TACR1: variants seen among roughly 807,000 people sequenced by gnomAD.
TACR1 encodes the protein substance-P receptor.
TACR1 carries 25 observed loss-of-function variants against 35.8 expected under a neutral mutation model. The observed-to-expected ratio is 0.70, with a 90% confidence interval of 0.51 to 0.98. TACR1 has a LOEUF of 0.98. Ranked by LOEUF, TACR1 falls within the 50% of genes least tolerant of loss-of-function variation. The probability of loss-of-function intolerance (pLI) is 0.00; values close to 1 mark genes in which losing one functional copy is unlikely to be tolerated. For missense variants in TACR1, 478 were observed against 522.9 expected (o/e 0.91, Z 0.84); for synonymous variants, 195 against 206.7 (o/e 0.94, Z 0.48).
chr2:75,148,091 G>A (rs939934994), intron 1 of TACR1, among the ~76,000 whole-genome samples: 2 of 152,182 alleles, frequency 1.3e-5, no homozygotes, highest in East Asian at 1.9e-4. Context: ...TGGTGTATAT[G>A]TACCACCGTT....
intron 2 of TACR1, among the ~76,000 whole-genome samples, chr2:75,115,775 C>T (rs184856957): frequency 2.2e-3 from 332 of 151,784 alleles, no homozygotes; most frequent in African/African-American, 7.8e-3. Flanking sequence ...GGCATGGTGG[C>T]GGGTGCCTGT....
intron 2 of TACR1, among the ~76,000 whole-genome samples, chr2:75,074,721 CAT>C (rs1261527658): frequency 6.6e-6 from 1 of 151,754 alleles, no homozygotes; most frequent in Non-Finnish European, 1.5e-5. Flanking sequence ...GGCTTCAGAT[CAT>C]AGTCTATAGG....
chr2:75,106,266 G>C (rs1194484530), intron 2 of TACR1, among the ~76,000 whole-genome samples: 1 of 151,962 alleles, frequency 6.6e-6, no homozygotes, highest in Non-Finnish European at 1.5e-5. Context: ...TTATTAAAGA[G>C]AGGGGCATTG....
rs201454483 is a variant in TACR1, at chr2:75,116,104, A to AT, written c.584+4469dup. Among the ~76,000 whole-genome samples, 1,507 of 151,684 alleles carry AT rather than the reference A, an allele frequency of 9.9e-3. 28 individuals are homozygous for AT. Among genetic ancestry groups the AT allele is most frequent in the African/African-American group, 0.034 (1,406 of 41,344 alleles). The stretch of plus-strand genomic sequence containing the variant: ...ACTTTAAATTTTTATAAGACACCAC[A>AT]TTTTTTTTCTTCTTCTTTGAGACAG... On this transcript the variant is annotated intron_variant, in intron 2 of 4. Transcript: ENST00000305249.
chr2:75,182,652 C>A (rs1471209630), intron 1 of TACR1, among the ~76,000 whole-genome samples: 1 of 152,142 alleles, frequency 6.6e-6, no homozygotes, highest in African/African-American at 2.4e-5. Flanking sequence ...CAAAAACTTA[C>A]CATTGTGTTC....
intron 1 of TACR1, among the ~76,000 whole-genome samples, chr2:75,141,375 C>T (rs560621409): frequency 4.6e-5 from 7 of 152,234 alleles, no homozygotes; most frequent in Middle Eastern, 3.4e-3. Flanking sequence ...CTAATGAAAC[C>T]GCTTTACAAC....
intron 1 of TACR1, among the ~76,000 whole-genome samples, chr2:75,125,852 A>G (rs1359356574): frequency 1.3e-5 from 2 of 152,178 alleles, no homozygotes; most frequent in Non-Finnish European, 2.9e-5. Flanking sequence ...TAGAGCCTCA[A>G]TACCTACTTG....
At chr2:75,154,399 AGAGCGC>A (rs1476189857) in intron 1 of TACR1, 1 of 72,878 alleles carries the variant, frequency 1.4e-5, no homozygotes, top group Admixed American at 1.3e-4. Flanking sequence ...TAATCAGCCA[AGAGCGC>A]GCACGCACAC....
chr2:75,116,970 A>G (rs914219797), intron 2 of TACR1, among the ~76,000 whole-genome samples: 16 of 152,258 alleles, frequency 1.1e-4, no homozygotes, highest in African/African-American at 3.6e-4. Flanking sequence ...AGCAGTTGAC[A>G]AATGTTCTTA....
intron 1 of TACR1, among the ~76,000 whole-genome samples, chr2:75,190,738 A>G (rs549274222): frequency 2.6e-5 from 4 of 152,198 alleles, no homozygotes. Flanking sequence ...AATACCTTGC[A>G]TATGTACACA....
Position 75,112,829 on chromosome 2 carries a change from A to G in TACR1, c.584+7745T>C, listed in dbSNP as rs573245499. On this transcript the variant is annotated intron_variant, in intron 2 of 4. Coordinates refer to ENST00000305249, the MANE Select transcript of TACR1 (RefSeq NM_001058.4). Reference sequence around the variant, plus strand: ...CAGATTTCCTGATAATTTATTTGCTAGTATTATTTGCTGGAAAAAGTCATG... The same window carrying G: ...CAGATTTCCTGATAATTTATTTGCTGGTATTATTTGCTGGAAAAAGTCATG... 7.2e-5 allele frequency among the ~76,000 whole-genome samples: 11 copies of G among 152,300 alleles called. No homozygotes were observed. In the South Asian group the frequency reaches 2.3e-3, roughly 32 times the overall value.
chr2:75,086,193 C>T (rs1451030835), intron 2 of TACR1, among the ~76,000 whole-genome samples: 2 of 152,190 alleles, frequency 1.3e-5, no homozygotes, highest in Non-Finnish European at 2.9e-5. Context: ...TTGCTTCTCA[C>T]AGCAGAGGAA....
chr2:75,061,175 G>A (rs1672665347), intron 2 of TACR1, among the ~76,000 whole-genome samples: 1 of 151,616 alleles, frequency 6.6e-6, no homozygotes, highest in Non-Finnish European at 1.5e-5. Flanking sequence ...GCGGTTGGGG[G>A]CAATTCCAGG....
In TACR1 at chr2:75,053,733, GCA is replaced by G. The variant is rs1344644339; in HGVS notation, c.605_606del (p.Val202AlafsTer25). On this transcript the variant is annotated frameshift_variant, in exon 3 of 5. Coordinates refer to ENST00000305249, the MANE Select transcript of TACR1 (RefSeq NM_001058.4). LOFTEE classifies it high-confidence loss of function. ...ACCAGCAGGGGGAGGAAGTAGATCAGCACAGTCACACAGATGTGGTACCTACA... is the reference window on the plus strand; with the variant it reads ...ACCAGCAGGGGGAGGAAGTAGATCAGCAGTCACACAGATGTGGTACCTACA... ...YEKVYHICVT[V>X]LIYFLPLLVI... 1 of 1,614,192 alleles carries G rather than the reference GCA, an allele frequency of 6.2e-7. No individual in the cohort carries two copies. The highest frequency in any genetic ancestry group is 8.5e-7 in the Non-Finnish European group (1 of 1,180,022).
chr2:75,112,138 T>G (rs1231664060), intron 2 of TACR1, among the ~76,000 whole-genome samples: 2 of 151,990 alleles, frequency 1.3e-5, no homozygotes, highest in Non-Finnish European at 2.9e-5. Flanking sequence ...CATGCTATCT[T>G]TAGCACATAC....
intron 2 of TACR1, among the ~76,000 whole-genome samples, chr2:75,066,705 A>G (rs1159840795): frequency 6.6e-6 from 1 of 152,234 alleles, no homozygotes; most frequent in Non-Finnish European, 1.5e-5. Context: ...TTCTTAGCCA[A>G]AAGTTTCCCA....
At chr2:75,198,496 C>A (rs780826316) in intron 1 of TACR1, 50 bp downstream of exon 1, 1 of 1,589,098 alleles carries the variant, frequency 6.3e-7, no homozygotes, top group Non-Finnish European at 8.6e-7. Flanking sequence ...ACAGCAATGC[C>A]GTGGTCCTCT....
intron 2 of TACR1, among the ~76,000 whole-genome samples, chr2:75,055,942 T>C (rs1237034642): frequency 6.6e-6 from 1 of 152,184 alleles, no homozygotes; most frequent in Non-Finnish European, 1.5e-5. Context: ...AGGCCAACGG[T>C]TCTCAACCGC....
intron 1 of TACR1, among the ~76,000 whole-genome samples, chr2:75,134,264 C>T (rs1009642732): frequency 2.0e-5 from 3 of 152,188 alleles, no homozygotes; most frequent in African/African-American, 7.2e-5. Context: ...GATCCAAGAA[C>T]CCTCTCTTGG....
Sources: gnomAD v4.1 joint callset for allele counts (sites outside exome capture counted in the v4.1 genomes callset) on GRCh38, gnomAD v4.1.1 for gene constraint, MANE v1.5 for transcripts, NCBI Gene and HGNC (gene_info 2026-07-23, HGNC 2026-07-21) for gene names.